Variants in SLC5A12 observed in about 807,000 individuals in gnomAD.
SLC5A12 encodes the protein sodium-coupled monocarboxylate transporter 2.
A neutral mutation model predicts 72.7 loss-of-function variants in SLC5A12; 46 were observed. The observed-to-expected ratio is 0.63, with a 90% CI of 0.50 to 0.81. The LOEUF (loss-of-function observed/expected upper bound fraction) is 0.81. SLC5A12 is among the 30% of genes least tolerant of loss of function. The pLI, the probability that SLC5A12 is intolerant of heterozygous loss-of-function variation, is 0.00. For synonymous variants in SLC5A12, 275 were observed against 264.4 expected, an observed-to-expected ratio of 1.04 and a Z score of -0.39; for missense variants, 683 against 740.7, an observed-to-expected ratio of 0.92 and a Z score of 0.90.
Position 26,721,418 on chromosome 11 carries a change from A to G in SLC5A12, c.297T>C (p.Phe99=). The G allele has an allele frequency of 1.2e-6, 2 of 1,614,112 alleles. No individual in the cohort carries two copies. Among genetic ancestry groups the G allele is most frequent in the Non-Finnish European group, 1.7e-6 (2 of 1,179,996 alleles). The change falls in exon 1 of 15, where the codon TTT becomes TTC. Residue 99 remains phenylalanine (F), a synonymous_variant. Transcript: ENST00000396005. ...TACCAGATCTGTAGAACACAGGGAG[A>G]AAGAGCTCTGATGTTAAGAGGATGA... ...LFVILLTSEL[F]LPVFYRSGIT...
chr11:26,706,484 T>C (rs1855092425), intron 4 of SLC5A12, among the ~76,000 whole-genome samples: 1 of 152,078 alleles, frequency 6.6e-6, no homozygotes, highest in Non-Finnish European at 1.5e-5. Context: ...TATCTGGATG[T>C]TTCTGATGTC....
intron 7 of SLC5A12, 40 bp downstream of exon 7, chr11:26,698,366 C>G: frequency 6.2e-7 from 1 of 1,604,726 alleles, no homozygotes; most frequent in Non-Finnish European, 8.5e-7. Context: ...GAAGCACGCT[C>G]ATTCCAGACA....
intron 2 of SLC5A12, 119 bp from the exon 3 acceptor site, chr11:26,711,477 G>T: frequency 1.3e-6 from 1 of 777,158 alleles, no homozygotes. Flanking sequence ...ATGAAACATT[G>T]CATTCCTGTT....
intron 13 of SLC5A12, among the ~76,000 whole-genome samples, chr11:26,675,767 T>C (rs866128581): frequency 6.6e-6 from 1 of 152,136 alleles, no homozygotes; most frequent in South Asian, 2.1e-4. Flanking sequence ...ATGGTCCCTC[T>C]ACTGGGCACA....
chr11:26,680,519 A>G lies in SLC5A12; in HGVS notation c.1475+536T>C, dbSNP rs1035618863. Among the ~76,000 whole-genome samples the G allele has an allele frequency of 3.3e-5, 5 of 151,332 alleles. No homozygotes were observed. In the East Asian group the frequency reaches 9.8e-4, roughly 30 times the overall value. ...ATAAAACCAAAATCCAAACCCAAAT[A>G]TTTCAGATTTCAAAGTCCACAATCG... On this transcript the variant is annotated intron_variant, in intron 12 of 14. Coordinates refer to ENST00000396005, the MANE Select transcript of SLC5A12 (RefSeq NM_178498.4).
chr11:26,679,124 G>A (rs1854332226), intron 12 of SLC5A12, among the ~76,000 whole-genome samples: 1 of 151,974 alleles, frequency 6.6e-6, no homozygotes, highest in Non-Finnish European at 1.5e-5. Context: ...CCCAGATTTA[G>A]TGCTAGTAAT....
At chr11:26,671,359 C>A in intron 14 of SLC5A12, 108 bp from the exon 15 acceptor site, 69 of 827,140 alleles carry the variant, frequency 8.3e-5, no homozygotes, top group East Asian at 2.0e-4. Flanking sequence ...TATATATGTA[C>A]AAAAGAAGCA....
chr11:26,680,476 A>G (rs1016244256), intron 12 of SLC5A12, among the ~76,000 whole-genome samples: 2 of 149,266 alleles, frequency 1.3e-5, no homozygotes, highest in Non-Finnish European at 3.0e-5. Flanking sequence ...TTGTCCAAAG[A>G]TACAGAGGGA....
At chr11:26,675,349 C>T (rs1332880859) in intron 13 of SLC5A12, among the ~76,000 whole-genome samples, 3 of 152,166 alleles carry the variant, frequency 2.0e-5, no homozygotes, top group African/African-American at 7.2e-5. Context: ...GGCTATAATT[C>T]TCACAGGTAG....
intron 1 of SLC5A12, among the ~76,000 whole-genome samples, chr11:26,720,192 G>A (rs961526958): frequency 6.6e-6 from 1 of 152,130 alleles, no homozygotes; most frequent in Non-Finnish European, 1.5e-5. Flanking sequence ...CTAGGGCTAC[G>A]AGAATGCCTA....
intron 9 of SLC5A12, among the ~76,000 whole-genome samples, chr11:26,689,378 T>A (rs1854613289): frequency 6.6e-6 from 1 of 151,924 alleles, no homozygotes; most frequent in Admixed American, 6.6e-5. Context: ...CCAGCCTGGG[T>A]AACAAGAGTG....
intron 4 of SLC5A12, among the ~76,000 whole-genome samples, chr11:26,705,428 A>T (rs1285235455): frequency 6.6e-6 from 1 of 152,098 alleles, no homozygotes; most frequent in Non-Finnish European, 1.5e-5. Flanking sequence ...CAGAATTATC[A>T]TCTCTGGTTA....
At chr11:26,694,009 G>A (rs1031384986) in intron 8 of SLC5A12, among the ~76,000 whole-genome samples, 1 of 152,150 alleles carries the variant, frequency 6.6e-6, no homozygotes, top group Non-Finnish European at 1.5e-5. Context: ...TCTTGTGAAA[G>A]TTTCCAACAT....
At chr11:26,689,381 C>A (rs1472982103) in intron 9 of SLC5A12, among the ~76,000 whole-genome samples, 2 of 151,450 alleles carry the variant, frequency 1.3e-5, no homozygotes, top group South Asian at 4.2e-4. Flanking sequence ...GCCTGGGTAA[C>A]AAGAGTGAAA....
In SLC5A12 at chr11:26,669,392, CTTAA is replaced by C. The variant is rs1854087806; in HGVS notation, c.*1706_*1709del. ...AATTTGCAAATCCTTAGATCAACAGCTTAATTAGCGTTGCCAGACTTTAAAAAAT... is the reference window on the plus strand; with the variant it reads ...AATTTGCAAATCCTTAGATCAACAGCTTAGCGTTGCCAGACTTTAAAAAAT... On this transcript the variant is annotated 3_prime_UTR_variant, in exon 15 of 15. Transcript: ENST00000396005. The C allele has an allele frequency of 1.3e-5, 2 of 151,752 alleles. No individual in the cohort carries two copies. Among genetic ancestry groups the C allele is most frequent in the South Asian group, 2.1e-4 (1 of 4,820 alleles). 9.4% of individuals were successfully genotyped at this position (151,752 alleles called of 1,614,324 possible).
At chr11:26,705,425 A>G (rs1294209315) in intron 4 of SLC5A12, among the ~76,000 whole-genome samples, 1 of 152,114 alleles carries the variant, frequency 6.6e-6, no homozygotes, top group African/African-American at 2.4e-5. Context: ...AAACAGAATT[A>G]TCATCTCTGG....
Position 26,697,320 on chromosome 11 carries a change from G to A in SLC5A12, c.952-68C>T. 12 of 1,371,196 alleles carry A rather than the reference G, an allele frequency of 8.8e-6. No individual in the cohort carries two copies. In the Admixed American group the frequency reaches 1.0e-4, roughly 12 times the overall value. 84.9% of individuals were successfully genotyped at this position (1,371,196 alleles called of 1,614,324 possible). ...AAGAAAGAAAAGAAAAGAGAAGAGA[G>A]AGAAAAAAATAGGATTAGTGGTCTT... On this transcript the variant is annotated intron_variant, in intron 7 of 14. Coordinates refer to ENST00000396005, the MANE Select transcript of SLC5A12 (RefSeq NM_178498.4).
At chr11:26,715,434 TGAGA>T (rs1855328806) in intron 1 of SLC5A12, among the ~76,000 whole-genome samples, 2 of 152,150 alleles carry the variant, frequency 1.3e-5, no homozygotes, top group Non-Finnish European at 2.9e-5. Context: ...AGGACAACCC[TGAGA>T]CGCACTTTAT....
Position 26,721,601 on chromosome 11 carries a change from G to A in SLC5A12, c.114C>T (p.Ser38=), listed in dbSNP as rs1277842235. Residue 38 remains serine (S), a synonymous_variant, in exon 1 of 15, where the codon TCC becomes TCT. Transcript: ENST00000396005. ...GCCTTCCCCCAACCAGGAACTCTCG[G>A]GAAGTTGCCTTTTTTCTCTCCTTAA... ...FAIKERKKAT[S]REFLVGGRQM... 3.1e-6 allele frequency: 5 copies of A among 1,614,150 alleles called. No homozygotes were observed. Among genetic ancestry groups the A allele is most frequent in the Non-Finnish European group, 4.2e-6 (5 of 1,180,028 alleles).
Sources: allele counts gnomAD v4.1 joint callset (sites outside exome capture counted in the v4.1 genomes callset), GRCh38; gene constraint gnomAD v4.1.1; transcripts MANE v1.5; gene names NCBI Gene and HGNC (gene_info 2026-07-23, HGNC 2026-07-21).